Variants in RUFY4 observed in about 807,000 individuals in gnomAD.
RUFY4 encodes the protein RUN and FYVE domain containing 4, also known as RUN and FYVE domain-containing protein 4.
RUFY4 carries 73 observed loss-of-function variants against 69.0 expected under a neutral mutation model. The observed-to-expected ratio is 1.06, with a 90% confidence interval of 0.88 to 1.29. The LOEUF is 1.29. Ranked by LOEUF, RUFY4 falls within the 50% of genes most tolerant of loss-of-function variation. The probability of loss-of-function intolerance (pLI) is 0.00; values close to 1 mark genes in which losing one functional copy is unlikely to be tolerated. For missense variants in RUFY4, 770 were observed against 705.6 expected (o/e 1.09, Z -1.03); for synonymous variants, 287 against 271.8 (o/e 1.06, Z -0.55).
chr2:218,044,552 C>G (rs56687199), intron 2 of RUFY4, among the ~76,000 whole-genome samples: 9,866 of 152,050 alleles, frequency 0.065, 1,028 homozygotes, highest in African/African-American at 0.22. Context: ...AAGCCTAGTA[C>G]CCATTAGTTA....
chr2:218,049,744 G>T (rs977438165), intron 2 of RUFY4, among the ~76,000 whole-genome samples: 1 of 152,136 alleles, frequency 6.6e-6, no homozygotes, highest in African/African-American at 2.4e-5. Context: ...CTGACCTCAG[G>T]TGATCCACCC....
At chr2:218,075,205 G>A in exon 7 of RUFY4, 1 of 1,559,444 alleles carries the variant, frequency 6.4e-7, no homozygotes, top group Non-Finnish European at 8.7e-7. Flanking sequence ...GGGCTTCCCA[G>A]GTCCCAGCAA....
chr2:218,038,485 T>C (rs748050167), intron 2 of RUFY4, among the ~76,000 whole-genome samples: 5 of 152,364 alleles, frequency 3.3e-5, no homozygotes, highest in Middle Eastern at 3.4e-3. Context: ...ATATTCATTT[T>C]AAATTAAATT....
At position 218,075,080 on chromosome 2, in the gene RUFY4, G is replaced by T. The variant is rs751321889; in HGVS notation, c.601-13G>T. 6.7e-7 allele frequency: 1 copy of T among 1,497,714 alleles called. No individual in the cohort carries two copies. The highest frequency in any genetic ancestry group is 8.9e-7 in the Non-Finnish European group (1 of 1,119,632). The allele number at this position is 1,497,714 out of a possible 1,614,324, so 92.8% of individuals were successfully genotyped here. On this transcript the variant is annotated splice_polypyrimidine_tract_variant and intron_variant, in intron 6 of 10. Transcript: ENST00000344321. ...TGCTGAGAGGGATGACTGGTTTTGG[G>T]TCCTCTCCACAGATCCCAGCCGCAT...
intron 9 of RUFY4, among the ~76,000 whole-genome samples, chr2:218,087,397 C>A (rs1007341352): frequency 1.3e-5 from 2 of 151,982 alleles, no homozygotes; most frequent in African/African-American, 4.8e-5. Flanking sequence ...TGAGAAAAGA[C>A]GGCAAGTTAG....
intron 2 of RUFY4, among the ~76,000 whole-genome samples, chr2:218,039,417 T>A (rs1342681716): frequency 1.3e-5 from 2 of 152,132 alleles, no homozygotes; most frequent in Non-Finnish European, 2.9e-5. Context: ...AGTAGAAATG[T>A]CTCCCATTAT....
rs963071494 is a variant in RUFY4, at chr2:218,074,034, G to A, written c.600+149G>A. The A allele has an allele frequency of 7.8e-6, 6 of 773,802 alleles. No homozygotes were observed. In the African/African-American group the frequency reaches 8.7e-5, roughly 11 times the overall value. The allele number at this position is 773,802 out of a possible 1,614,324, so 47.9% of individuals were successfully genotyped here. ...GAGCAAGAGGCCAGTGTGTGGAGCA[G>A]GGGACTGGGGAGCTGCAGAGGAGGA... On this transcript the variant is annotated intron_variant, in intron 6 of 10. Coordinates refer to ENST00000344321, the Ensembl canonical transcript of RUFY4.
At chr2:218,042,035 G>A (rs774791683) in intron 2 of RUFY4, among the ~76,000 whole-genome samples, 2 of 152,210 alleles carry the variant, frequency 1.3e-5, no homozygotes, top group Non-Finnish European at 2.9e-5. Context: ...AAATTGCATA[G>A]TCTTTGTAGG....
chr2:218,073,910 G>A (rs1689558311), intron 6 of RUFY4, 25 bp downstream of exon 8: 1 of 1,611,810 alleles, frequency 6.2e-7, no homozygotes, highest in South Asian at 1.1e-5. Context: ...CCTTCACTCT[G>A]AGTTGCCTCT....
At chr2:218,045,791 T>C (rs1292679939) in intron 2 of RUFY4, among the ~76,000 whole-genome samples, 1 of 147,322 alleles carries the variant, frequency 6.8e-6, no homozygotes, top group African/African-American at 2.6e-5. Context: ...TGATACATAT[T>C]TATGGGGTAC....
At chr2:218,061,155 T>G in intron 3 of RUFY4, 1 of 444,762 alleles carries the variant, frequency 2.2e-6, no homozygotes, top group Non-Finnish European at 4.5e-6. Context: ...AAGGCCAGGG[T>G]CAGCAGGTAG....
intron 2 of RUFY4, among the ~76,000 whole-genome samples, chr2:218,038,628 AGCGGC>A (rs1959014876): frequency 6.6e-6 from 1 of 152,252 alleles, no homozygotes; most frequent in African/African-American, 2.4e-5. Context: ...GAGTGCCCTC[AGCGGC>A]TAGTAACAAA....
chr2:218,060,263 T>C (rs1164556535), intron 3 of RUFY4: 8 of 1,338,718 alleles, frequency 6.0e-6, no homozygotes, highest in Non-Finnish European at 8.1e-6. Context: ...CAAGAAGAGC[T>C]AGTGGACATG....
At chr2:218,043,534 A>T (rs1330256746) in intron 2 of RUFY4, among the ~76,000 whole-genome samples, 1 of 152,170 alleles carries the variant, frequency 6.6e-6, no homozygotes, top group Non-Finnish European at 1.5e-5. Flanking sequence ...CAACTTCTGC[A>T]GTTCTCAGCA....
At chr2:218,085,878 C>T (rs188168985) in intron 9 of RUFY4, among the ~76,000 whole-genome samples, 1 of 152,318 alleles carries the variant, frequency 6.6e-6, no homozygotes, top group Non-Finnish European at 1.5e-5. Flanking sequence ...CCATTCCTGT[C>T]CACTATTCGG....
intron 2 of RUFY4, among the ~76,000 whole-genome samples, chr2:218,052,431 G>A (rs2106032117): frequency 6.6e-6 from 1 of 152,132 alleles, no homozygotes; most frequent in Non-Finnish European, 1.5e-5. Context: ...CCTATAATAT[G>A]GTGTACACTC....
chr2:218,088,379 G>T (rs1689942462), intron 9 of RUFY4, among the ~76,000 whole-genome samples: 1 of 150,866 alleles, frequency 6.6e-6, no homozygotes, highest in Non-Finnish European at 1.5e-5. Flanking sequence ...GATCACCTGA[G>T]CCCAGGAAGT....
At chr2:218,089,211 C>A in intron 9 of RUFY4, 41 bp from the exon 12 acceptor site, 2 of 1,495,440 alleles carry the variant, frequency 1.3e-6, no homozygotes, top group South Asian at 2.3e-5. Context: ...CTTTTGATCT[C>A]TGTCTCTGTC....
chr2:218,037,942 C>G (rs1245169450), intron 2 of RUFY4, among the ~76,000 whole-genome samples: 1 of 150,100 alleles, frequency 6.7e-6, no homozygotes, highest in Non-Finnish European at 1.5e-5. Flanking sequence ...AAGAAAAAAA[C>G]AGTTTCCTAA....
Sources: allele counts gnomAD v4.1 joint callset (sites outside exome capture counted in the v4.1 genomes callset), GRCh38; gene constraint gnomAD v4.1.1; transcripts MANE v1.5; gene names NCBI Gene and HGNC (gene_info 2026-07-23, HGNC 2026-07-21).